The following SVIL variants were observed in gnomAD, a reference collection of about 807,000 sequenced individuals.
The protein encoded by SVIL is supervillin.
SVIL carries 101 observed loss-of-function variants against 240.4 expected under a neutral mutation model. That is an observed-to-expected ratio of 0.42 (90% confidence interval 0.36 to 0.50). SVIL has a LOEUF of 0.50. Among genes scored for constraint, SVIL ranks in the 20% least tolerant of loss-of-function variants. The pLI is 0.01. For synonymous variants in SVIL, 999 were observed against 1,100.0 expected (o/e 0.91, Z 1.82); for missense variants, 2,512 against 2,818.7 (o/e 0.89, Z 2.46).
chr10:29,458,623 G>C (rs773093241), intron 36 of SVIL, 34 bp from the exon 37 acceptor site: 3 of 1,600,338 alleles, frequency 1.9e-6, no homozygotes, highest in East Asian at 2.2e-5. Flanking sequence ...AGGAGAGCTC[G>C]TGTCCTACAT....
At chr10:29,651,649 T>TCTCTCTCTCTCTCG in intron 3 of SVIL, among the ~76,000 whole-genome samples, 1 of 151,850 alleles carries the variant, frequency 6.6e-6, no homozygotes, top group Admixed American at 6.6e-5. Context: ...TCTCTCTCTC[T>TCTCTCTCTCTCTCG]GTTTTCATCC....
At position 29,571,058 on chromosome 10, in the gene SVIL, C is replaced by T. The variant is rs546291485; in HGVS notation, c.-200-1746G>A. Among the ~76,000 whole-genome samples the T allele has an allele frequency of 5.0e-3, 768 of 152,320 alleles. 6 individuals carry two copies. Among genetic ancestry groups the T allele is most frequent in the African/African-American group, 0.018 (737 of 41,568 alleles). The stretch of plus-strand genomic sequence containing the variant: ...GCACACAGACGGCTCGGTCACACAG[C>T]CTGCTCTACAGCTAATTCTCAGCCA... On this transcript the variant is annotated intron_variant, in intron 1 of 37. Transcript: ENST00000355867.
At chr10:29,570,480 A>G (rs1340141583) in intron 1 of SVIL, among the ~76,000 whole-genome samples, 2 of 152,228 alleles carry the variant, frequency 1.3e-5, no homozygotes, top group Non-Finnish European at 2.9e-5. Flanking sequence ...AACATGCCAC[A>G]CCACTTCAGT....
chr10:29,541,054 A>AT (rs1199649207), intron 6 of SVIL, among the ~76,000 whole-genome samples: 1 of 152,230 alleles, frequency 6.6e-6, no homozygotes, highest in Non-Finnish European at 1.5e-5. Flanking sequence ...AGCAGGTGAG[A>AT]TTTTTTAAAA....
chr10:29,562,551 G>A (rs117442940), intron 3 of SVIL, among the ~76,000 whole-genome samples: 2 of 152,146 alleles, frequency 1.3e-5, no homozygotes, highest in South Asian at 2.1e-4. Flanking sequence ...ACCTAAGATC[G>A]GGAGTCGAAA....
At chr10:29,551,337 T>A in intron 5 of SVIL, 74 bp from the exon 6 acceptor site, 1 of 1,400,596 alleles carries the variant, frequency 7.1e-7, no homozygotes, top group East Asian at 2.3e-5. Context: ...AATGACACTC[T>A]ACTGCACACA....
chr10:29,524,149 T>C (rs1243277694), intron 14 of SVIL, 122 bp from the exon 15 acceptor site: 5 of 1,078,020 alleles, frequency 4.6e-6, no homozygotes, highest in Middle Eastern at 3.0e-4. Context: ...TTTCTCTTAG[T>C]GGAAAACCAT....
At chr10:29,614,417 C>T (rs1007912821) in intron 1 of SVIL, among the ~76,000 whole-genome samples, 1 of 152,064 alleles carries the variant, frequency 6.6e-6, no homozygotes, top group Non-Finnish European at 1.5e-5. Context: ...AACCCAAATG[C>T]CCATCAATGA....
intron 7 of SVIL, among the ~76,000 whole-genome samples, chr10:29,535,618 C>G (rs1384265496): frequency 1.3e-5 from 2 of 152,188 alleles, no homozygotes; most frequent in Non-Finnish European, 2.9e-5. Flanking sequence ...GGAAGCTGAG[C>G]AGATGGGACG....
intron 2 of SVIL, among the ~76,000 whole-genome samples, chr10:29,664,859 C>G (rs1200488912): frequency 6.6e-6 from 1 of 152,030 alleles, no homozygotes; most frequent in African/African-American, 2.4e-5. Context: ...TGTCCTCAAA[C>G]CTGAAGAAGT....
intron 21 of SVIL, among the ~76,000 whole-genome samples, chr10:29,492,313 C>T (rs1948037846): frequency 2.0e-5 from 3 of 152,032 alleles, no homozygotes; most frequent in Admixed American, 2.0e-4. Flanking sequence ...AGAAAAGCTA[C>T]CCGTGCTGGG....
At chr10:29,521,228 G>GGA (rs1554833169) in intron 16 of SVIL, among the ~76,000 whole-genome samples, 40 of 63,748 alleles carry the variant, frequency 6.3e-4, no homozygotes, top group Admixed American at 1.9e-3. Context: ...GTCTCAAAAA[G>GGA]AAAAAAAAAA....
intron 1 of SVIL, among the ~76,000 whole-genome samples, chr10:29,591,601 C>T (rs1956392096): frequency 6.6e-6 from 1 of 152,196 alleles, no homozygotes; most frequent in South Asian, 2.1e-4. Context: ...TCACCTCTGA[C>T]AAAGCAATAG....
At chr10:29,501,241 A>AC (rs1948866926) in intron 17 of SVIL, among the ~76,000 whole-genome samples, 1 of 150,446 alleles carries the variant, frequency 6.6e-6, no homozygotes, top group African/African-American at 2.4e-5. Flanking sequence ...GGAAACTGAC[A>AC]ATTTTAAGAT....
At chr10:29,509,326 G>A (rs563149641) in intron 17 of SVIL, among the ~76,000 whole-genome samples, 1,267 of 56,204 alleles carry the variant, frequency 0.023, 23 homozygotes, top group Non-Finnish European at 0.033. Flanking sequence ...AGAAGGAGGG[G>A]GAGGGAGAGA....
At chr10:29,529,571 C>T in intron 12 of SVIL, 134 bp downstream of exon 12, 2 of 1,052,164 alleles carry the variant, frequency 1.9e-6, no homozygotes, top group Non-Finnish European at 2.6e-6. Flanking sequence ...AAACAAAATC[C>T]CTTAGTACTA....
In SVIL at chr10:29,487,289, A is replaced by T; in HGVS notation, c.4359T>A (p.His1453Gln). ...LMLLQIKGRR[H>Q]VQTRLVEPRA... is the part of the protein sequence containing the mutation. ...GAGGTTCCACCAGCCTGGTCTGCAC[A>T]TGTCTTCTTCCTGAACACGAGGCAG... Residue 1453 changes from histidine (H) to glutamine (Q), a missense_variant, in exon 24 of 38, where the codon CAT becomes CAA. Around this residue, in one of 3 missense-constraint regions of SVIL, gnomAD observed 272 missense variants for 406.8 expected, o/e 0.67. Coordinates refer to ENST00000355867, the MANE Select transcript of SVIL (RefSeq NM_021738.3). 1 of 1,614,078 alleles carries T rather than the reference A, an allele frequency of 6.2e-7. No individual in the cohort carries two copies. The highest frequency in any genetic ancestry group is 2.2e-5 in the East Asian group (1 of 44,866).
chr10:29,706,665 G>T (rs1485413352), intron 1 of SVIL, among the ~76,000 whole-genome samples: 1 of 151,594 alleles, frequency 6.6e-6, no homozygotes. Flanking sequence ...AATTAGATTG[G>T]TTTCTGTTGC....
At chr10:29,628,308 A>T (rs149900292) in intron 1 of SVIL, among the ~76,000 whole-genome samples, 1 of 152,328 alleles carries the variant, frequency 6.6e-6, no homozygotes, top group African/African-American at 2.4e-5. Flanking sequence ...CAGGTGTGCA[A>T]CTGCAACATG....
Sources: gnomAD v4.1 joint callset for allele counts (sites outside exome capture counted in the v4.1 genomes callset) on GRCh38, gnomAD v4.1.1 for gene constraint, gnomAD v4.1.1 regional missense constraint, MANE v1.5 for transcripts, NCBI Gene and HGNC (gene_info 2026-07-23, HGNC 2026-07-21) for gene names.